SNTB1: variants seen among roughly 807,000 people sequenced by gnomAD.
SNTB1 encodes the protein syntrophin beta 1.
A neutral mutation model predicts 48.9 loss-of-function variants in SNTB1; 36 were observed. The observed-to-expected ratio is 0.74, with a 90% CI of 0.56 to 0.97. The LOEUF is 0.97. SNTB1 is among the 50% of genes least tolerant of loss of function. The pLI is 0.00. For synonymous variants in SNTB1, 299 were observed against 294.6 expected, an observed-to-expected ratio of 1.01 and a Z score of -0.15; for missense variants, 786 against 703.4, an observed-to-expected ratio of 1.12 and a Z score of -1.33.
chr8:120,599,508 A>G (rs1034008896), intron 3 of SNTB1, among the ~76,000 whole-genome samples: 2 of 152,218 alleles, frequency 1.3e-5, no homozygotes, highest in African/African-American at 2.4e-5. Flanking sequence ...TGAAGAATTA[A>G]ATATCGTTTT....
At chr8:120,591,782 C>T (rs890179280) in intron 3 of SNTB1, among the ~76,000 whole-genome samples, 8 of 152,182 alleles carry the variant, frequency 5.3e-5, no homozygotes, top group Non-Finnish European at 1.2e-4. Context: ...CTCCTCTTTT[C>T]CTCACTGTGT....
intron 1 of SNTB1, among the ~76,000 whole-genome samples, chr8:120,712,090 A>G (rs1013334361): frequency 6.6e-6 from 1 of 152,176 alleles, no homozygotes; most frequent in African/African-American, 2.4e-5. Context: ...AGTGAATTAC[A>G]CTTGGAATAA....
At chr8:120,654,048 A>G (rs907747798) in intron 2 of SNTB1, among the ~76,000 whole-genome samples, 4 of 141,840 alleles carry the variant, frequency 2.8e-5, no homozygotes, top group Admixed American at 1.4e-4. Flanking sequence ...TCAAAAAAAA[A>G]AAAAAAAAAA....
At chr8:120,709,696 A>T (rs1818432539) in intron 1 of SNTB1, among the ~76,000 whole-genome samples, 1 of 152,160 alleles carries the variant, frequency 6.6e-6, no homozygotes, top group Non-Finnish European at 1.5e-5. Flanking sequence ...GCCTGATTCC[A>T]AAGCTTTTCC....
intron 1 of SNTB1, among the ~76,000 whole-genome samples, chr8:120,733,993 G>C (rs12542693): frequency 0.13 from 20,153 of 152,160 alleles, 1,768 homozygotes; most frequent in African/African-American, 0.24. Flanking sequence ...TAAGGCTTAT[G>C]GTGAGGAATT....
chr8:120,574,439 CTA>C (rs1365643092), intron 4 of SNTB1, among the ~76,000 whole-genome samples: 1 of 152,228 alleles, frequency 6.6e-6, no homozygotes, highest in East Asian at 1.9e-4. Context: ...ATGGTATAGA[CTA>C]TGATGATGGT....
intron 4 of SNTB1, among the ~76,000 whole-genome samples, chr8:120,552,865 C>T (rs978925405): frequency 2.6e-5 from 4 of 151,880 alleles, no homozygotes; most frequent in Admixed American, 6.6e-5. Flanking sequence ...GGGAGCCCTG[C>T]GCTTGTTTTA....
chr8:120,720,428 G>A (rs1341380813), intron 1 of SNTB1, among the ~76,000 whole-genome samples: 1 of 152,132 alleles, frequency 6.6e-6, no homozygotes, highest in African/African-American at 2.4e-5. Flanking sequence ...AGTCTTTTCC[G>A]TATGCCTCAG....
intron 4 of SNTB1, among the ~76,000 whole-genome samples, chr8:120,569,018 G>T (rs1196411868): frequency 6.6e-6 from 1 of 152,192 alleles, no homozygotes; most frequent in Non-Finnish European, 1.5e-5. Flanking sequence ...GTCTTGCTCT[G>T]TTGCCCAGGC....
At chr8:120,649,886 C>G (rs1240497909) in intron 2 of SNTB1, among the ~76,000 whole-genome samples, 1 of 152,138 alleles carries the variant, frequency 6.6e-6, no homozygotes, top group Non-Finnish European at 1.5e-5. Flanking sequence ...ATTTTTTAAG[C>G]CCCTCGGAAA....
At chr8:120,650,029 C>T (rs909256415) in intron 2 of SNTB1, among the ~76,000 whole-genome samples, 24 of 152,310 alleles carry the variant, frequency 1.6e-4, no homozygotes, top group South Asian at 2.1e-4. Context: ...CTTCGGCTCG[C>T]GCACGGTGCA....
chr8:120,627,290 T>C (rs1816898630), intron 3 of SNTB1, among the ~76,000 whole-genome samples: 1 of 152,224 alleles, frequency 6.6e-6, no homozygotes, highest in Admixed American at 6.5e-5. Context: ...CTGGCGTATC[T>C]AATTAAATAA....
At chr8:120,809,357 C>T (rs1348704031) in intron 1 of SNTB1, among the ~76,000 whole-genome samples, 1 of 152,220 alleles carries the variant, frequency 6.6e-6, no homozygotes, top group Non-Finnish European at 1.5e-5. Context: ...TGACAAACCA[C>T]AAAGTGTTCT....
At chr8:120,569,412 C>T (rs1340345308) in intron 4 of SNTB1, among the ~76,000 whole-genome samples, 1 of 152,250 alleles carries the variant, frequency 6.6e-6, no homozygotes, top group Non-Finnish European at 1.5e-5. Context: ...GCACCCCTGT[C>T]ACTTGTGAAC....
At chr8:120,596,903 A>G (rs1816335700) in intron 3 of SNTB1, among the ~76,000 whole-genome samples, 1 of 152,234 alleles carries the variant, frequency 6.6e-6, no homozygotes, top group African/African-American at 2.4e-5. Flanking sequence ...TTACATATGC[A>G]GAGGTTTGGT....
chr8:120,812,004 G>C lies in SNTB1; in HGVS notation c.-161C>G. On this transcript the variant is annotated 5_prime_UTR_variant, in exon 1 of 7. Coordinates refer to ENST00000517992, the MANE Select transcript of SNTB1 (RefSeq NM_021021.4). ...GCTCCGGGAGTTCGCAGACGCACTC[G>C]GCGGGAGTTGGCAGCTGCACTCAGG... 1 of 1,267,532 alleles carries C rather than the reference G, an allele frequency of 7.9e-7. No homozygotes were observed. The highest frequency in any genetic ancestry group is 9.9e-7 in the Non-Finnish European group (1 of 1,012,360). 78.5% of individuals were successfully genotyped at this position (1,267,532 alleles called of 1,614,324 possible).
chr8:120,544,281 A>G (rs923327955), intron 5 of SNTB1, among the ~76,000 whole-genome samples: 1 of 151,916 alleles, frequency 6.6e-6, no homozygotes, highest in African/African-American at 2.4e-5. Flanking sequence ...GACCTCAAAT[A>G]CTCTGGTTGA....
At chr8:120,721,297 C>T (rs1818654993) in intron 1 of SNTB1, among the ~76,000 whole-genome samples, 1 of 152,202 alleles carries the variant, frequency 6.6e-6, no homozygotes, top group South Asian at 2.1e-4. Flanking sequence ...TATGTTGGAA[C>T]ACCAAAGTTT....
At chr8:120,741,886 G>C (rs578232499) in intron 1 of SNTB1, among the ~76,000 whole-genome samples, 1 of 152,200 alleles carries the variant, frequency 6.6e-6, no homozygotes, top group Non-Finnish European at 1.5e-5. Flanking sequence ...GGAGAAGGAG[G>C]AGGTGGAGTA....
Sources: gnomAD v4.1 joint callset for allele counts (sites outside exome capture counted in the v4.1 genomes callset) on GRCh38, gnomAD v4.1.1 for gene constraint, MANE v1.5 for transcripts, NCBI Gene and HGNC (gene_info 2026-07-23, HGNC 2026-07-21) for gene names.